The following MTOR variants were observed in gnomAD, a reference collection of about 807,000 sequenced individuals.
The protein encoded by MTOR is serine/threonine-protein kinase mTOR.
A neutral mutation model predicts 319.8 loss-of-function variants in MTOR; 70 were observed. The ratio of observed to expected loss-of-function variants is 0.22; its 90% CI spans 0.18 to 0.27. The LOEUF (loss-of-function observed/expected upper bound fraction) is 0.27. Among genes scored for constraint, MTOR ranks in the 10% least tolerant of loss-of-function variants. The probability of loss-of-function intolerance (pLI) is 1.00; values close to 1 mark genes in which losing one functional copy is unlikely to be tolerated. For missense variants in MTOR, 1,890 were observed against 3,274.4 expected (o/e 0.58, Z 10.32); for synonymous variants, 1,183 against 1,211.4 (o/e 0.98, Z 0.49).
intron 28 of MTOR, among the ~76,000 whole-genome samples, chr1:11,182,030 C>T (rs940988094): frequency 4.0e-5 from 6 of 151,678 alleles, no homozygotes; most frequent in African/African-American, 7.3e-5. Flanking sequence ...CCAGCCTGAC[C>T]GACATGGAGA....
intron 19 of MTOR, among the ~76,000 whole-genome samples, chr1:11,220,893 A>G (rs1646639212): frequency 6.6e-6 from 1 of 152,204 alleles, no homozygotes; most frequent in African/African-American, 2.4e-5. Flanking sequence ...GAAGAAAACG[A>G]GGTATAAAGA....
intron 28 of MTOR, among the ~76,000 whole-genome samples, chr1:11,197,590 A>T (rs1019925617): frequency 1.8e-4 from 27 of 152,166 alleles, no homozygotes; most frequent in African/African-American, 5.8e-4. Flanking sequence ...CATCCAGGCT[A>T]GAGTACAGTG....
chr1:11,260,536 C>T (rs1650975585), intron 1 of MTOR, among the ~76,000 whole-genome samples: 1 of 150,228 alleles, frequency 6.7e-6, no homozygotes, highest in African/African-American at 2.5e-5. Flanking sequence ...GAGCAAAACT[C>T]CATCTCAATT....
At chr1:11,227,167 G>A (rs1220142526) in intron 19 of MTOR, among the ~76,000 whole-genome samples, 2 of 151,056 alleles carry the variant, frequency 1.3e-5, no homozygotes, top group South Asian at 2.1e-4. Flanking sequence ...GCTTGGTGGT[G>A]CACCCCTGTA....
intron 28 of MTOR, among the ~76,000 whole-genome samples, chr1:11,196,564 A>G (rs1436646272): frequency 6.6e-6 from 1 of 152,214 alleles, no homozygotes; most frequent in Non-Finnish European, 1.5e-5. Flanking sequence ...AGACAAAAAA[A>G]TAAGAAATAG....
rs553939607 is a variant in MTOR, at chr1:11,201,962, C to T, written c.3945-2259G>A. ...AGCTAGGATTACAGCTTCATGCCAC[C>T]ACGCTTGGCTAATTTTTCATTTTTG... On this transcript the variant is annotated intron_variant, in intron 26 of 57. Coordinates refer to ENST00000361445, the MANE Select transcript of MTOR (RefSeq NM_004958.4). Among the ~76,000 whole-genome samples the T allele has an allele frequency of 5.9e-5, 9 of 152,218 alleles. No individual in the cohort carries two copies. In the East Asian group the frequency reaches 1.5e-3, roughly 26 times the overall value.
rs1377200831 is a variant in MTOR at position 11,234,160 on chromosome 1, T to C, written c.2314A>G (p.Met772Val). The C allele has an allele frequency of 6.2e-7, 1 of 1,614,090 alleles. No individual in the cohort carries two copies. The highest frequency in any genetic ancestry group is 8.5e-7 in the Non-Finnish European group (1 of 1,179,998). ...SNAPRLIRPY[M>V]EPILKALILK... ...TGTGTTACCTTCAGAATAGGCTCCA[T>C]GTAGGGGCGGATGAGTCGGGGGGCA... Residue 772 changes from methionine (M) to valine (V), a missense_variant, in exon 14 of 58, where the codon ATG becomes GTG. Physicochemically the swap from Met to Val is conservative, Grantham distance 21. Coordinates refer to ENST00000361445, the MANE Select transcript of MTOR (RefSeq NM_004958.4).
chr1:11,202,041 A>G lies in MTOR; in HGVS notation c.3945-2338T>C, dbSNP rs574647538. 5.6e-4 allele frequency among the ~76,000 whole-genome samples: 86 copies of G among 152,312 alleles called. 1 individual carries two copies. Among genetic ancestry groups the G allele is most frequent in the African/African-American group, 2.0e-3 (83 of 41,574 alleles). On this transcript the variant is annotated intron_variant, in intron 26 of 57. Transcript: ENST00000361445. ...GGCTGGTCTTGAACTCTTGGCCTCAAGTGATCCTCCTGTCTCAGCCTCCTA... is the reference window on the plus strand; with the variant it reads ...GGCTGGTCTTGAACTCTTGGCCTCAGGTGATCCTCCTGTCTCAGCCTCCTA...
chr1:11,246,851 C>T (rs1312044183), intron 8 of MTOR, among the ~76,000 whole-genome samples: 2 of 152,212 alleles, frequency 1.3e-5, no homozygotes, highest in Non-Finnish European at 2.9e-5. Flanking sequence ...TACCTCTACC[C>T]TATTTCCAAA....
chr1:11,243,388 T>C, intron 8 of MTOR, 88 bp from the exon 9 acceptor site: 3 of 1,284,568 alleles, frequency 2.3e-6, no homozygotes, highest in Non-Finnish European at 1.1e-6. Flanking sequence ...AGCAATTCAG[T>C]TTAAGAATAA....
intron 28 of MTOR, chr1:11,189,720 G>A: frequency 3.1e-6 from 5 of 1,614,204 alleles, no homozygotes; most frequent in Non-Finnish European, 4.2e-6. Context: ...ACTGCTGTGA[G>A]GAGGTGAAGG....
chr1:11,213,053 A>T (rs1291312841), intron 21 of MTOR, 145 bp from the exon 22 acceptor site: 3 of 633,826 alleles, frequency 4.7e-6, no homozygotes, highest in Non-Finnish European at 8.3e-6. Context: ...TATCCTTTTG[A>T]TAGCACTTTC....
intron 19 of MTOR, among the ~76,000 whole-genome samples, chr1:11,224,949 CA>C (rs1405198750): frequency 6.6e-6 from 1 of 152,068 alleles, no homozygotes; most frequent in Non-Finnish European, 1.5e-5. Context: ...AAGCCAGATG[CA>C]AAAGACCACA....
rs370146937 is a variant in MTOR at position 11,204,543 on chromosome 1, C to T, written c.3944+18G>A. ...TTTCTATGTGCTGATCTTCTCCACC[C>T]GCCCTGACACACTATACCTGGCCAT... On this transcript the variant is annotated intron_variant, in intron 26 of 57. Transcript: ENST00000361445. 34 of 1,605,490 alleles carry T rather than the reference C, an allele frequency of 2.1e-5. No homozygotes were observed. The highest frequency in any genetic ancestry group is 7.7e-5 in the South Asian group (7 of 90,626).
At chr1:11,148,432 G>A (rs1017118523) in intron 31 of MTOR, among the ~76,000 whole-genome samples, 55 of 152,276 alleles carry the variant, frequency 3.6e-4, no homozygotes, top group African/African-American at 1.2e-3. Context: ...CATTTCCTGA[G>A]TGATAGGAGT....
intron 10 of MTOR, 21 bp from the exon 11 acceptor site, chr1:11,240,568 C>A: frequency 1.2e-6 from 2 of 1,609,626 alleles, no homozygotes; most frequent in South Asian, 2.2e-5. Context: ...GGAAACAAGT[C>A]ACATAAGGGC....
Position 11,109,491 on chromosome 1 carries a change from C to A in MTOR, c.7448-121G>T. On this transcript the variant is annotated intron_variant, in intron 55 of 57. Transcript: ENST00000361445. This position sits in a 1 kb window ranked among gnomAD's most constrained non-coding sequence, Gnocchi z 4.0. The stretch of plus-strand genomic sequence containing the variant: ...TGTTAAGCAATCCTTCCTCTATGTC[C>A]GTCTTTGTCCTCAGAATATAATGAG... The A allele has an allele frequency of 8.4e-7, 1 of 1,195,376 alleles. No homozygotes were observed. The highest frequency in any genetic ancestry group is 1.2e-6 in the Non-Finnish European group (1 of 821,554). The allele number at this position is 1,195,376 out of a possible 1,614,324, so 74.0% of individuals were successfully genotyped here.
intron 19 of MTOR, among the ~76,000 whole-genome samples, chr1:11,218,780 G>C (rs1160893425): frequency 6.6e-6 from 1 of 152,122 alleles, no homozygotes; most frequent in Non-Finnish European, 1.5e-5. Flanking sequence ...TTCTCTTTTT[G>C]CTCGGAACAT....
At chr1:11,168,865 T>C (rs908391708) in intron 28 of MTOR, among the ~76,000 whole-genome samples, 1 of 152,126 alleles carries the variant, frequency 6.6e-6, no homozygotes, top group African/African-American at 2.4e-5. Flanking sequence ...AATATAAGCC[T>C]GAGTTATGGA....
Sources: allele counts gnomAD v4.1 joint callset (sites outside exome capture counted in the v4.1 genomes callset), GRCh38; gene constraint gnomAD v4.1.1; non-coding constraint Gnocchi (gnomAD v3.1); transcripts MANE v1.5; gene names NCBI Gene and HGNC (gene_info 2026-07-23, HGNC 2026-07-21).